Variants in CALCR observed in about 807,000 individuals in gnomAD.
The protein encoded by CALCR is calcitonin receptor.
A neutral mutation model predicts 59.5 loss-of-function variants in CALCR; 47 were observed. That is an observed-to-expected ratio of 0.79 (90% confidence interval 0.63 to 1.01). The LOEUF (loss-of-function observed/expected upper bound fraction) is 1.01. CALCR is among the 50% of genes least tolerant of loss of function. CALCR has a pLI of 0.00. For missense variants in CALCR, 566 were observed against 597.1 expected (o/e 0.95, Z 0.54); for synonymous variants, 213 against 211.3 (o/e 1.01, Z -0.07).
chr7:93,478,610 G>A (rs1255280743), intron 4 of CALCR, among the ~76,000 whole-genome samples: 1 of 144,332 alleles, frequency 6.9e-6, no homozygotes, highest in Non-Finnish European at 1.5e-5. Context: ...GGATCGTCCT[G>A]GGCGAGAGAG....
chr7:93,463,097 G>T (rs762451432), intron 7 of CALCR, among the ~76,000 whole-genome samples: 2 of 151,906 alleles, frequency 1.3e-5, no homozygotes, highest in East Asian at 3.9e-4. Flanking sequence ...TACATTAAAT[G>T]CTAGATGATT....
intron 2 of CALCR, among the ~76,000 whole-genome samples, chr7:93,489,739 G>T (rs1238461031): frequency 6.6e-6 from 1 of 151,716 alleles, no homozygotes; most frequent in African/African-American, 2.4e-5. Flanking sequence ...TAGACCAATA[G>T]CAAGTTCTGA....
chr7:93,511,973 A>C (rs550437257), intron 2 of CALCR, among the ~76,000 whole-genome samples: 32 of 152,228 alleles, frequency 2.1e-4, no homozygotes, highest in African/African-American at 7.7e-4. Context: ...ATCAGATCCC[A>C]CAGTTAAATC....
At chr7:93,551,887 T>C (rs911687144) in intron 2 of CALCR, among the ~76,000 whole-genome samples, 2 of 152,152 alleles carry the variant, frequency 1.3e-5, no homozygotes, top group African/African-American at 4.8e-5. Context: ...TTGAGATATA[T>C]TTTCAATATA....
chr7:93,568,951 G>T (rs928648243), intron 2 of CALCR, among the ~76,000 whole-genome samples: 1 of 151,988 alleles, frequency 6.6e-6, no homozygotes, highest in Non-Finnish European at 1.5e-5. Context: ...CTTGGTGAAT[G>T]ACATCACATC....
At chr7:93,460,975 A>T in intron 7 of CALCR, 28 bp from the exon 8 acceptor site, 2 of 1,575,114 alleles carry the variant, frequency 1.3e-6, no homozygotes, top group South Asian at 2.4e-5. Flanking sequence ...ATAAAGCATT[A>T]ACCAGTGCCA....
intron 2 of CALCR, among the ~76,000 whole-genome samples, chr7:93,558,787 G>T (rs1789669920): frequency 6.6e-6 from 1 of 152,066 alleles, no homozygotes; most frequent in South Asian, 2.1e-4. Flanking sequence ...GAAACGATGG[G>T]GAAGAGAGTA....
chr7:93,479,017 A>G (rs1479318326), intron 4 of CALCR, among the ~76,000 whole-genome samples: 3 of 151,878 alleles, frequency 2.0e-5, no homozygotes, highest in African/African-American at 7.2e-5. Context: ...CCTCAGGCAA[A>G]TTCTCTGCCC....
chr7:93,499,064 A>T (rs1801269598), intron 2 of CALCR, among the ~76,000 whole-genome samples: 1 of 151,702 alleles, frequency 6.6e-6, no homozygotes, highest in Admixed American at 6.6e-5. Context: ...TACTTATAAA[A>T]TTAGACAACT....
intron 2 of CALCR, among the ~76,000 whole-genome samples, chr7:93,489,290 T>C (rs1031815245): frequency 6.6e-6 from 1 of 151,864 alleles, no homozygotes; most frequent in African/African-American, 2.4e-5. Context: ...TTTATAGCAC[T>C]AAATGCACAC....
At chr7:93,538,746 T>C (rs1789054288) in intron 2 of CALCR, among the ~76,000 whole-genome samples, 1 of 152,124 alleles carries the variant, frequency 6.6e-6, no homozygotes, top group Non-Finnish European at 1.5e-5. Context: ...TCATGTGTGC[T>C]ATACCTCCTA....
At chr7:93,546,093 G>A (rs549805627) in intron 2 of CALCR, among the ~76,000 whole-genome samples, 2 of 152,108 alleles carry the variant, frequency 1.3e-5, no homozygotes, top group South Asian at 4.2e-4. Flanking sequence ...AATCCCATAG[G>A]CAATATTAGT....
chr7:93,568,522 TCTCTCTCTCTCTCTCTCTCTC>T (rs1789921347), intron 2 of CALCR, among the ~76,000 whole-genome samples: 1 of 117,702 alleles, frequency 8.5e-6, no homozygotes, highest in South Asian at 2.8e-4. Context: ...TCTCTCTCTC[TCTCTCTCTCTCTCTCTCTCTC>T]TCTCTCTCTC....
intron 2 of CALCR, among the ~76,000 whole-genome samples, chr7:93,568,308 C>G (rs1228114151): frequency 6.6e-6 from 1 of 152,162 alleles, no homozygotes; most frequent in East Asian, 1.9e-4. Flanking sequence ...GCAGGCGTCT[C>G]AAACTGATTG....
At chr7:93,457,424 G>T (rs1034652687) in intron 8 of CALCR, among the ~76,000 whole-genome samples, 7 of 152,114 alleles carry the variant, frequency 4.6e-5, no homozygotes, top group African/African-American at 7.2e-5. Flanking sequence ...AGGAAGATAG[G>T]TTGAACAAGA....
intron 13 of CALCR, among the ~76,000 whole-genome samples, chr7:93,431,598 T>C (rs1052045746): frequency 6.6e-6 from 1 of 152,228 alleles, no homozygotes; most frequent in African/African-American, 2.4e-5. Context: ...CCAGTTGCTC[T>C]TTTGGACAAA....
chr7:93,547,969 G>GCTTCCCTGAGA (rs1789337616), intron 2 of CALCR, among the ~76,000 whole-genome samples: 1 of 152,132 alleles, frequency 6.6e-6, no homozygotes, highest in African/African-American at 2.4e-5. Flanking sequence ...TCAGAACATT[G>GCTTCCCTGAGA]CTTCCCTGAG....
At chr7:93,473,433 T>C (rs960997451) in intron 5 of CALCR, among the ~76,000 whole-genome samples, 1 of 151,788 alleles carries the variant, frequency 6.6e-6, no homozygotes, top group African/African-American at 2.4e-5. Flanking sequence ...AAGCCTCTTA[T>C]TTCTGTGGCA....
At chr7:93,492,469 A>G (rs1007206539) in intron 2 of CALCR, among the ~76,000 whole-genome samples, 1 of 151,410 alleles carries the variant, frequency 6.6e-6, no homozygotes, top group Non-Finnish European at 1.5e-5. Flanking sequence ...ACCTATTGGC[A>G]TAACAGGAAA....
Sources: gnomAD v4.1 joint callset for allele counts (sites outside exome capture counted in the v4.1 genomes callset) on GRCh38, gnomAD v4.1.1 for gene constraint, MANE v1.5 for transcripts, NCBI Gene and HGNC (gene_info 2026-07-23, HGNC 2026-07-21) for gene names.